The following PCMTD2 variants were observed in gnomAD, a reference collection of about 807,000 sequenced individuals.
PCMTD2 encodes protein-L-isoaspartate (D-aspartate) O-methyltransferase domain containing 2.
A neutral mutation model predicts 33.4 loss-of-function variants in PCMTD2; 16 were observed. The observed-to-expected ratio is 0.48, with a 90% confidence interval of 0.32 to 0.73. The LOEUF is 0.73. Ranked by LOEUF, PCMTD2 falls within the 30% of genes least tolerant of loss-of-function variation. The probability of loss-of-function intolerance (pLI) is 0.03; values close to 1 mark genes in which losing one functional copy is unlikely to be tolerated. For missense variants in PCMTD2, 374 were observed against 449.9 expected (o/e 0.83, Z 1.53); for synonymous variants, 161 against 160.8 (o/e 1.00, Z -0.01).
At chr20:64,261,706 A>C (rs988909796) in intron 2 of PCMTD2, among the ~76,000 whole-genome samples, 15 of 152,132 alleles carry the variant, frequency 9.9e-5, no homozygotes, top group Admixed American at 3.3e-4. Flanking sequence ...AAAAGTGTGT[A>C]GATTTTTATA....
rs555591453 is a variant in PCMTD2, at chr20:64,264,333, A to G, written c.308-96A>G. 133 of 680,754 alleles carry G rather than the reference A, an allele frequency of 2.0e-4. No individual in the cohort carries two copies. The South Asian group carries it at 2.1e-3, about 11-fold the overall frequency. The allele number at this position is 680,754 out of a possible 1,614,324, so 42.2% of individuals were successfully genotyped here. On this transcript the variant is annotated intron_variant, in intron 2 of 5. Transcript: ENST00000308824. ...ACTTTGTGAATGTCTGTAGTTACAC[A>G]TGTTAAGTCAGACGTGTTACAGTTG...
chr20:64,274,650 TGTTA>T lies in PCMTD2; in HGVS notation c.*1054_*1057del, dbSNP rs897316046. On this transcript the variant is annotated 3_prime_UTR_variant, in exon 6 of 6. Transcript: ENST00000308824. ...TTTTATAATTCTGGAGAAAAAGATT[TGTTA>T]GTTTTGTAATTTTTTTGTAAGACCA... 8.5e-5 allele frequency: 13 copies of T among 152,362 alleles called. No homozygotes were observed. The highest frequency in any genetic ancestry group is 1.7e-4 in the African/African-American group (7 of 41,586). The allele number at this position is 152,362 out of a possible 1,614,324, so 9.4% of individuals were successfully genotyped here.
At chr20:64,267,835 A>C (rs1057132881) in intron 4 of PCMTD2, 52 bp from the exon 5 acceptor site, 4 of 1,527,630 alleles carry the variant, frequency 2.6e-6, no homozygotes, top group Non-Finnish European at 3.6e-6. Flanking sequence ...ATTAAATATG[A>C]GCTAAATAGT....
Position 64,258,106 on chromosome 20 carries a change from T to C in PCMTD2, c.-24-1836T>C, listed in dbSNP as rs531879096. 1.3e-5 allele frequency among the ~76,000 whole-genome samples: 2 copies of C among 152,358 alleles called. 1 individual carries two copies. The highest frequency in any genetic ancestry group is 4.1e-4 in the South Asian group (2 of 4,832). ...GCATTGAGACAATGTTGGAACATTA[T>C]ATACAGGCTTCTGGGTGAAGAGGTG... On this transcript the variant is annotated intron_variant, in intron 1 of 5. Coordinates refer to ENST00000308824, the MANE Select transcript of PCMTD2 (RefSeq NM_018257.3).
chr20:64,275,795 T>C lies in PCMTD2; in HGVS notation c.*2195T>C, dbSNP rs1986076262. The C allele has an allele frequency of 6.6e-6, 1 of 152,228 alleles. No homozygotes were observed. The highest frequency in any genetic ancestry group is 1.5e-5 in the Non-Finnish European group (1 of 68,034). The allele number at this position is 152,228 out of a possible 1,614,324, so 9.4% of individuals were successfully genotyped here. A position where few individuals can be genotyped will look rare whatever the true frequency, so the allele number is the denominator to read the frequency against. On this transcript the variant is annotated 3_prime_UTR_variant, in exon 6 of 6. Coordinates refer to ENST00000308824, the MANE Select transcript of PCMTD2 (RefSeq NM_018257.3). ...TGACAACTATTTGCTTTTGAGTAGT[T>C]TGTATTTTAATATGTGACTTTTGTC... is the stretch of plus-strand genomic sequence containing the variant.
At position 64,257,423 on chromosome 20, in the gene PCMTD2, C is replaced by A. The variant is rs182717423; in HGVS notation, c.-25+1553C>A. 5.4e-3 allele frequency among the ~76,000 whole-genome samples: 829 copies of A among 152,340 alleles called. 8 individuals are homozygous for A. The highest frequency in any genetic ancestry group is 0.024 in the Middle Eastern group (7 of 294). On this transcript the variant is annotated intron_variant, in intron 1 of 5. Transcript: ENST00000308824. The stretch of plus-strand genomic sequence containing the variant: ...TATATTAAGGATTAATTACAGCAGA[C>A]AATGTGCACAGTATCATCGAGTGCA...
chr20:64,263,682 T>G (rs1446014384), intron 2 of PCMTD2, among the ~76,000 whole-genome samples: 1 of 152,196 alleles, frequency 6.6e-6, no homozygotes, highest in Non-Finnish European at 1.5e-5. Flanking sequence ...CAGAGTTGAA[T>G]CAGCACCCCA....
chr20:64,273,626 G>A lies in PCMTD2; in HGVS notation c.*26G>A. 3 of 1,511,290 alleles carry A rather than the reference G, an allele frequency of 2.0e-6. No homozygotes were observed. The allele number at this position is 1,511,290 out of a possible 1,614,324, so 93.6% of individuals were successfully genotyped here. ...GTCTCCTGTTTGAAAGGGGGAAATA[G>A]GAAGAGCAGATTGCTGAGTGTGAAG... is the stretch of plus-strand genomic sequence containing the variant. On this transcript the variant is annotated 3_prime_UTR_variant, in exon 6 of 6. Transcript: ENST00000308824.
intron 5 of PCMTD2, chr20:64,271,886 G>T: frequency 4.9e-6 from 1 of 205,108 alleles, no homozygotes; most frequent in Non-Finnish European, 1.0e-5. Flanking sequence ...TCAGCCTCTT[G>T]GGGCAACAGC....
chr20:64,259,679 C>T (rs748663506), intron 1 of PCMTD2, among the ~76,000 whole-genome samples: 8 of 152,232 alleles, frequency 5.3e-5, no homozygotes, highest in South Asian at 2.1e-4. Context: ...CATGACCCAC[C>T]GCACCCGGCC....
At chr20:64,261,180 A>G (rs1985399683) in intron 2 of PCMTD2, among the ~76,000 whole-genome samples, 1 of 152,150 alleles carries the variant, frequency 6.6e-6, no homozygotes, top group South Asian at 2.1e-4. Context: ...TTGGTGCCAA[A>G]TGCTGTGAGG....
intron 5 of PCMTD2, 30 bp downstream of exon 5, chr20:64,268,040 C>T (rs1297354894): frequency 6.6e-6 from 10 of 1,516,072 alleles, no homozygotes; most frequent in Non-Finnish European, 9.0e-6. Flanking sequence ...CTTATTTTAT[C>T]TTTTAGATCT....
At position 64,273,316 on chromosome 20, in the gene PCMTD2, G is replaced by A. The variant is rs746877945; in HGVS notation, c.802G>A (p.Gly268Arg). 43 of 1,613,956 alleles carry A rather than the reference G, an allele frequency of 2.7e-5. No homozygotes were observed. Among genetic ancestry groups the A allele is most frequent in the African/African-American group, 1.1e-4 (8 of 74,874 alleles). ...TCATCAGGAAACTGTGAGCAAAAAC[G>A]GAAACGGACTAAAGAACACCCCCAG... ...IIHQETVSKN[G>R]NGLKNTPRFK... Residue 268 changes from glycine (G) to arginine (R), a missense_variant, in exon 6 of 6, where the codon GGA becomes AGA. By Grantham distance (125) the Gly-to-Arg change is moderately radical. Transcript: ENST00000308824.
chr20:64,256,471 T>C (rs1276225273), intron 1 of PCMTD2: 4 of 152,184 alleles, frequency 2.6e-5, no homozygotes, highest in Non-Finnish European at 4.4e-5. Context: ...CTCAAATAAG[T>C]CACCTAAATA....
At chr20:64,261,171 T>C (rs1442438379) in intron 2 of PCMTD2, among the ~76,000 whole-genome samples, 1 of 152,112 alleles carries the variant, frequency 6.6e-6, no homozygotes, top group African/African-American at 2.4e-5. Flanking sequence ...AAACATCACT[T>C]GGTGCCAAAT....
chr20:64,262,112 G>C (rs1320923864), intron 2 of PCMTD2, among the ~76,000 whole-genome samples: 1 of 152,080 alleles, frequency 6.6e-6, no homozygotes, highest in Non-Finnish European at 1.5e-5. Context: ...AAAGTACCTG[G>C]GTGTGGTGGT....
intron 1 of PCMTD2, chr20:64,256,598 AGAAT>A (rs2145750604): frequency 6.6e-6 from 1 of 152,382 alleles, no homozygotes; most frequent in African/African-American, 2.4e-5. Flanking sequence ...CTGTCATTCA[AGAAT>A]GAGTGAAGTT....
intron 2 of PCMTD2, among the ~76,000 whole-genome samples, chr20:64,263,289 G>C (rs1416877493): frequency 6.6e-6 from 1 of 152,166 alleles, no homozygotes; most frequent in Admixed American, 6.5e-5. Context: ...ACGAGGTAAT[G>C]TTTTAGCAGC....
In PCMTD2 at chr20:64,258,171, C is replaced by T. The variant is rs138526192; in HGVS notation, c.-24-1771C>T. On this transcript the variant is annotated intron_variant, in intron 1 of 5. Coordinates refer to ENST00000308824, the MANE Select transcript of PCMTD2 (RefSeq NM_018257.3). Reference sequence around the variant, plus strand: ...CGGTATGCGATTTTCCAGCTCTTTTCCTAAATAGACCCTTAAGCATCCAAA... The same window carrying T: ...CGGTATGCGATTTTCCAGCTCTTTTTCTAAATAGACCCTTAAGCATCCAAA... 2.0e-4 allele frequency among the ~76,000 whole-genome samples: 30 copies of T among 152,262 alleles called. No individual in the cohort carries two copies. In the East Asian group the frequency reaches 5.6e-3, roughly 28 times the overall value.
Sources: allele counts gnomAD v4.1 joint callset (sites outside exome capture counted in the v4.1 genomes callset), GRCh38; gene constraint gnomAD v4.1.1; transcripts MANE v1.5; gene names NCBI Gene and HGNC (gene_info 2026-07-23, HGNC 2026-07-21).